ERGIC1: variants seen among roughly 807,000 people sequenced by gnomAD.
The protein encoded by ERGIC1 is endoplasmic reticulum-golgi intermediate compartment 1.
In ERGIC1, 19 loss-of-function variants were observed where a neutral mutation model predicts 38.3. That is an observed-to-expected ratio of 0.50 (90% CI 0.35 to 0.73). ERGIC1 has a LOEUF of 0.73. Ranked by LOEUF, ERGIC1 falls within the 30% of genes least tolerant of loss-of-function variation. The pLI is 0.01. For missense variants in ERGIC1, 294 were observed against 389.2 expected (o/e 0.76, Z 2.06); for synonymous variants, 124 against 157.6 (o/e 0.79, Z 1.60).
intron 9 of ERGIC1, chr5:172,935,547 G>C (rs927808451): frequency 2.0e-6 from 1 of 490,738 alleles, no homozygotes; most frequent in African/African-American, 1.9e-5. Flanking sequence ...GGAATGCCCT[G>C]AAATCCATTT....
intron 1 of ERGIC1, among the ~76,000 whole-genome samples, chr5:172,845,748 T>A (rs144416709): frequency 4.6e-4 from 70 of 152,306 alleles, no homozygotes; most frequent in African/African-American, 1.6e-3. Flanking sequence ...GTCCCCACCT[T>A]CCATTACCAC....
intron 3 of ERGIC1, among the ~76,000 whole-genome samples, chr5:172,908,876 T>G (rs1240213993): frequency 1.3e-5 from 2 of 152,202 alleles, no homozygotes; most frequent in African/African-American, 4.8e-5. Context: ...ATCAGGGAAT[T>G]CCTGGCTTCC....
At chr5:172,914,254 A>AAAAT (rs1554112480) in intron 4 of ERGIC1, among the ~76,000 whole-genome samples, 3,132 of 130,700 alleles carry the variant, frequency 0.024, 129 homozygotes, top group South Asian at 0.028. Flanking sequence ...AAAAAAAAAA[A>AAAAT]AAATACAAAG....
intron 9 of ERGIC1, among the ~76,000 whole-genome samples, chr5:172,950,385 C>T (rs915795304): frequency 2.6e-5 from 4 of 152,198 alleles, no homozygotes; most frequent in African/African-American, 9.7e-5. Flanking sequence ...TGAACTTAGG[C>T]AAGTCACCTG....
In ERGIC1 at chr5:172,877,458, A is replaced by ATTT. The variant is rs56384349; in HGVS notation, c.21-11225_21-11223dup. 2.4e-3 allele frequency among the ~76,000 whole-genome samples: 207 copies of ATTT among 86,612 alleles called. 1 individual carries two copies. Among genetic ancestry groups the ATTT allele is most frequent in the African/African-American group, 5.9e-3 (139 of 23,464 alleles). 56.8% of individuals were successfully genotyped at this position (86,612 alleles called of 152,430 possible). On this transcript the variant is annotated intron_variant, in intron 1 of 9. Transcript: ENST00000393784. ...TGTGTGTGTATATATATATATATAT[A>ATTT]TTTTTTTTTTTTTTTTTTGAGATGG... is the stretch of plus-strand genomic sequence containing the variant.
chr5:172,929,035 C>A (rs554127736), intron 7 of ERGIC1, among the ~76,000 whole-genome samples: 1 of 152,210 alleles, frequency 6.6e-6, no homozygotes, highest in African/African-American at 2.4e-5. Context: ...TTTCCTATAT[C>A]AAATTGTATC....
In ERGIC1 at chr5:172,837,508, G is replaced by C. The variant is rs1761064770; in HGVS notation, c.20+3075G>C. 6.6e-6 allele frequency among the ~76,000 whole-genome samples: 1 copy of C among 152,122 alleles called. No homozygotes were observed. The highest frequency in any genetic ancestry group is 1.5e-5 in the Non-Finnish European group (1 of 68,034). On this transcript the variant is annotated intron_variant, in intron 1 of 9. Transcript: ENST00000393784. The surrounding 1 kb of genome is among the most constrained non-coding windows in gnomAD (Gnocchi z 4.3). Reference sequence around the variant, plus strand: ...GAAGTTTTTATCAGGCTTCTTCAAGGTTGCATCTCCAGCACCTAGAACTGT... The same window carrying C: ...GAAGTTTTTATCAGGCTTCTTCAAGCTTGCATCTCCAGCACCTAGAACTGT...
chr5:172,844,002 T>C lies in ERGIC1; in HGVS notation c.20+9569T>C, dbSNP rs548928208. 3.3e-5 allele frequency among the ~76,000 whole-genome samples: 5 copies of C among 152,334 alleles called. No homozygotes were observed. In the South Asian group the frequency reaches 1.0e-3, roughly 32 times the overall value. ...TCCTGGCGGCATAGTCCTGTGCACC[T>C]CACCGAGCCGTGATAGATGGCAGTA... On this transcript the variant is annotated intron_variant, in intron 1 of 9. Transcript: ENST00000393784.
chr5:172,887,088 A>C (rs693557), intron 1 of ERGIC1, among the ~76,000 whole-genome samples: 1 of 152,002 alleles, frequency 6.6e-6, no homozygotes, highest in South Asian at 2.1e-4. Context: ...GAAACTGAGC[A>C]TGTTTCACGT....
chr5:172,834,392 T>C lies in ERGIC1; in HGVS notation c.-22T>C. ...CCGCGGCCCGCCTGGCCTGCAGCGCTCCCACCCCCGGCGGCGGCACGATGC... is the reference window on the plus strand; with the variant it reads ...CCGCGGCCCGCCTGGCCTGCAGCGCCCCCACCCCCGGCGGCGGCACGATGC... On this transcript the variant is annotated 5_prime_UTR_variant, in exon 1 of 10. Coordinates refer to ENST00000393784, the MANE Select transcript of ERGIC1 (RefSeq NM_001031711.3). The surrounding 1 kb of genome is among the most constrained non-coding windows in gnomAD (Gnocchi z 4.1). The C allele has an allele frequency of 7.6e-7, 1 of 1,319,556 alleles. No individual in the cohort carries two copies. The highest frequency in any genetic ancestry group is 9.7e-7 in the Non-Finnish European group (1 of 1,031,540). The allele number at this position is 1,319,556 out of a possible 1,614,324, so 81.7% of individuals were successfully genotyped here. A position where few individuals can be genotyped will look rare whatever the true frequency, so the allele number is the denominator to read the frequency against.
intron 5 of ERGIC1, among the ~76,000 whole-genome samples, chr5:172,923,803 A>G (rs1234008274): frequency 6.6e-6 from 1 of 152,204 alleles, no homozygotes; most frequent in Non-Finnish European, 1.5e-5. Context: ...AAGCTATGGT[A>G]GTGCCCCCAT....
At chr5:172,894,105 T>TC (rs1163879609) in intron 2 of ERGIC1, among the ~76,000 whole-genome samples, 8 of 143,728 alleles carry the variant, frequency 5.6e-5, no homozygotes, top group Admixed American at 7.0e-5. Flanking sequence ...AATTTTTTTT[T>TC]CTCACTGTCT....
chr5:172,890,736 G>GC (rs998918172), intron 2 of ERGIC1, among the ~76,000 whole-genome samples: 13 of 152,212 alleles, frequency 8.5e-5, no homozygotes, highest in Non-Finnish European at 1.5e-4. Context: ...CACCCCACAA[G>GC]CCCCCCTAGT....
intron 1 of ERGIC1, among the ~76,000 whole-genome samples, chr5:172,872,173 C>T (rs1417556091): frequency 1.3e-5 from 2 of 152,162 alleles, no homozygotes; most frequent in Non-Finnish European, 2.9e-5. Context: ...GGCCATGAAG[C>T]TTTGCAGGAA....
At chr5:172,840,650 G>T (rs114739575) in intron 1 of ERGIC1, among the ~76,000 whole-genome samples, 1 of 152,296 alleles carries the variant, frequency 6.6e-6, no homozygotes, top group Non-Finnish European at 1.5e-5. Flanking sequence ...CATCACTCCT[G>T]CATGACCTTC....
chr5:172,850,026 A>G (rs181728774), intron 1 of ERGIC1, among the ~76,000 whole-genome samples: 42 of 152,268 alleles, frequency 2.8e-4, no homozygotes, highest in Middle Eastern at 3.4e-3. Flanking sequence ...GATCTGATCT[A>G]GTGTTGGGTG....
intron 8 of ERGIC1, 48 bp from the exon 9 acceptor site, chr5:172,935,140 C>G (rs1046167901): frequency 2.2e-5 from 35 of 1,612,970 alleles, no homozygotes; most frequent in Non-Finnish European, 2.8e-5. Context: ...GTCCCCGCCC[C>G]CCCTGAGACA....
rs540480284 is a variant in ERGIC1, at chr5:172,904,011, ACACT to A, written c.156-5646_156-5643del. Among the ~76,000 whole-genome samples the A allele has an allele frequency of 2.7e-3, 403 of 147,910 alleles. 1 individual carries two copies. Among genetic ancestry groups the A allele is most frequent in the Non-Finnish European group, 4.3e-3 (285 of 66,068 alleles). The stretch of plus-strand genomic sequence containing the variant: ...CACATTGACTCACACTAACATACAC[ACACT>A]CACTCACTCTCCTGCCCTGGGGCAG... On this transcript the variant is annotated intron_variant, in intron 3 of 9. Coordinates refer to ENST00000393784, the MANE Select transcript of ERGIC1 (RefSeq NM_001031711.3).
At chr5:172,843,728 C>T (rs1238324940) in intron 1 of ERGIC1, among the ~76,000 whole-genome samples, 2 of 152,214 alleles carry the variant, frequency 1.3e-5, no homozygotes, top group Admixed American at 1.3e-4. Context: ...CTGTGAAGTG[C>T]CCTTGGAACT....
Sources: gnomAD v4.1 joint callset for allele counts (sites outside exome capture counted in the v4.1 genomes callset) on GRCh38, gnomAD v4.1.1 for gene constraint, Gnocchi (gnomAD v3.1) non-coding constraint, MANE v1.5 for transcripts, NCBI Gene and HGNC (gene_info 2026-07-23, HGNC 2026-07-21) for gene names.